Variants in NCOA2 observed in about 807,000 individuals in gnomAD.
NCOA2 encodes class E basic helix-loop-helix protein 75.
A neutral mutation model predicts 145.1 loss-of-function variants in NCOA2; 21 were observed. The ratio of observed to expected loss-of-function variants is 0.14; its 90% confidence interval spans 0.10 to 0.21. NCOA2 has a LOEUF of 0.21. Among genes scored for constraint, NCOA2 ranks in the 10% least tolerant of loss-of-function variants. NCOA2 has a pLI of 1.00. For synonymous variants in NCOA2, 619 were observed against 637.5 expected (o/e 0.97, Z 0.44); for missense variants, 1,472 against 1,837.6 (o/e 0.80, Z 3.64).
intron 2 of NCOA2, among the ~76,000 whole-genome samples, chr8:70,261,717 T>C (rs995267541): frequency 2.0e-5 from 3 of 151,778 alleles, no homozygotes; most frequent in African/African-American, 4.8e-5. Flanking sequence ...AAACATAAAC[T>C]AGTGAGTGAA....
chr8:70,207,874 A>AAAAAAAAAAAAAAG, intron 4 of NCOA2, among the ~76,000 whole-genome samples: 1 of 147,442 alleles, frequency 6.8e-6, no homozygotes, highest in African/African-American at 2.6e-5. Flanking sequence ...AAAAAAAAAA[A>AAAAAAAAAAAAAAG]AAAAAAAAAA....
At chr8:70,321,435 C>T (rs1403007693) in intron 1 of NCOA2, among the ~76,000 whole-genome samples, 1 of 151,924 alleles carries the variant, frequency 6.6e-6, no homozygotes, top group Non-Finnish European at 1.5e-5. Context: ...GCTGGGATTA[C>T]AGGCATGAGC....
intron 22 of NCOA2, among the ~76,000 whole-genome samples, chr8:70,116,643 G>C (rs902716896): frequency 1.3e-5 from 2 of 152,188 alleles, no homozygotes; most frequent in Non-Finnish European, 2.9e-5. Context: ...CTGTCAATGT[G>C]CACATAAGTA....
chr8:70,322,699 T>C (rs532311455), intron 1 of NCOA2, among the ~76,000 whole-genome samples: 4 of 152,270 alleles, frequency 2.6e-5, no homozygotes, highest in Admixed American at 1.3e-4. Flanking sequence ...AAAATAATAA[T>C]ACAAACCTTG....
intron 1 of NCOA2, among the ~76,000 whole-genome samples, chr8:70,309,046 T>G (rs1318743641): frequency 6.6e-6 from 1 of 152,166 alleles, no homozygotes; most frequent in African/African-American, 2.4e-5. Context: ...ACCCTCGATC[T>G]TAGCATTCTG....
intron 2 of NCOA2, among the ~76,000 whole-genome samples, chr8:70,280,876 T>C (rs1825819045): frequency 6.6e-6 from 1 of 152,018 alleles, no homozygotes; most frequent in Non-Finnish European, 1.5e-5. Flanking sequence ...CGTTGAGGGC[T>C]TCCCACTCAT....
intron 2 of NCOA2, among the ~76,000 whole-genome samples, chr8:70,232,890 C>CACACACACACACAA: frequency 6.6e-6 from 1 of 151,868 alleles, no homozygotes; most frequent in East Asian, 1.9e-4. Context: ...CACACACACA[C>CACACACACACACAA]ACGTGCGTAG....
chr8:70,133,569 A>G (rs1333706440), intron 15 of NCOA2, among the ~76,000 whole-genome samples: 2 of 152,186 alleles, frequency 1.3e-5, no homozygotes, highest in Non-Finnish European at 2.9e-5. Flanking sequence ...CTGAATACTA[A>G]AAGGGAAAAT....
At chr8:70,388,479 A>G (rs530406484) in intron 1 of NCOA2, among the ~76,000 whole-genome samples, 1 of 152,346 alleles carries the variant, frequency 6.6e-6, no homozygotes, top group East Asian at 1.9e-4. Flanking sequence ...TTGCTCACGT[A>G]ACATATCTGT....
At chr8:70,268,859 C>T (rs1386363960) in intron 2 of NCOA2, among the ~76,000 whole-genome samples, 1 of 152,070 alleles carries the variant, frequency 6.6e-6, no homozygotes, top group East Asian at 1.9e-4. Flanking sequence ...TAAGACTGAG[C>T]AAGTATCATT....
In NCOA2 at chr8:70,124,868, TA is replaced by T. The variant is rs765594339; in HGVS notation, c.3917-4del. On this transcript the variant is annotated splice_polypyrimidine_tract_variant and splice_region_variant and intron_variant, in intron 19 of 22. Transcript: ENST00000452400. Reference sequence around the variant, plus strand: ...TGGATCAGGTTGCTGACTTATTCCTTAAAAAAAAAAACAGAAACAGAAATCC... The same window carrying T: ...TGGATCAGGTTGCTGACTTATTCCTTAAAAAAAAAACAGAAACAGAAATCC... The T allele has an allele frequency of 3.9e-3, 4,953 of 1,257,804 alleles. No individual in the cohort carries two copies. The highest frequency in any genetic ancestry group is 0.011 in the South Asian group (716 of 65,462). The allele number at this position is 1,257,804 out of a possible 1,614,324, so 77.9% of individuals were successfully genotyped here.
chr8:70,289,256 T>C (rs1402796748), intron 2 of NCOA2, among the ~76,000 whole-genome samples: 2 of 152,208 alleles, frequency 1.3e-5, no homozygotes, highest in Non-Finnish European at 2.9e-5. Context: ...GACAAAGAAT[T>C]GAAAAGTTGA....
chr8:70,119,225 C>T (rs1281815971), intron 22 of NCOA2, among the ~76,000 whole-genome samples: 3 of 152,164 alleles, frequency 2.0e-5, no homozygotes, highest in Non-Finnish European at 4.4e-5. Context: ...AGTCACCCTT[C>T]TCAGTCTCTG....
At chr8:70,213,842 C>T (rs1819308813) in intron 4 of NCOA2, 61 bp downstream of exon 4, 7 of 1,401,286 alleles carry the variant, frequency 5.0e-6, no homozygotes, top group East Asian at 5.0e-5. Context: ...GAAGGGACTT[C>T]TCACACAGGG....
chr8:70,372,879 G>C (rs796130598), intron 1 of NCOA2, among the ~76,000 whole-genome samples: 2 of 152,270 alleles, frequency 1.3e-5, no homozygotes, highest in South Asian at 4.1e-4. Flanking sequence ...TACAATATAT[G>C]TCTGGCTTCT....
At chr8:70,143,118 T>G (rs1178192807) in intron 13 of NCOA2, among the ~76,000 whole-genome samples, 1 of 152,042 alleles carries the variant, frequency 6.6e-6, no homozygotes, top group Non-Finnish European at 1.5e-5. Flanking sequence ...CCCATTTAAT[T>G]TTTGTATTTT....
intron 2 of NCOA2, among the ~76,000 whole-genome samples, chr8:70,292,540 C>G (rs1826774779): frequency 6.9e-6 from 1 of 143,958 alleles, no homozygotes; most frequent in African/African-American, 2.6e-5. Flanking sequence ...AACAAAGACT[C>G]CATCTCAGGA....
At chr8:70,263,004 A>G (rs890927826) in intron 2 of NCOA2, among the ~76,000 whole-genome samples, 2 of 151,822 alleles carry the variant, frequency 1.3e-5, no homozygotes, top group African/African-American at 4.8e-5. Flanking sequence ...AGATTTTGGC[A>G]ACCTCAGCCT....
At chr8:70,393,415 T>C (rs1043027095) in intron 1 of NCOA2, among the ~76,000 whole-genome samples, 1 of 152,166 alleles carries the variant, frequency 6.6e-6, no homozygotes. Context: ...CAAGTGAGCA[T>C]CTAGGGCCTC....
Sources: allele counts gnomAD v4.1 joint callset (sites outside exome capture counted in the v4.1 genomes callset), GRCh38; gene constraint gnomAD v4.1.1; transcripts MANE v1.5; gene names NCBI Gene and HGNC (gene_info 2026-07-23, HGNC 2026-07-21).